The following UCK2 variants were observed in gnomAD, a reference collection of about 807,000 sequenced individuals.
UCK2 encodes cytidine monophosphokinase 2.
UCK2 carries 6 observed loss-of-function variants against 30.8 expected under a neutral mutation model. The ratio of observed to expected loss-of-function variants is 0.19; its 90% CI spans 0.11 to 0.38. The LOEUF is 0.38. UCK2 is among the 10% of genes least tolerant of loss of function. The pLI, the probability that UCK2 is intolerant of heterozygous loss-of-function variation, is 1.00. For synonymous variants in UCK2, 125 were observed against 133.6 expected, an observed-to-expected ratio of 0.94 and a Z score of 0.45; for missense variants, 210 against 339.8, an observed-to-expected ratio of 0.62 and a Z score of 3.00.
intron 1 of UCK2, among the ~76,000 whole-genome samples, chr1:165,861,642 AAAAAAAACAAAAAAAAAC>A (rs1203600219): frequency 6.0e-5 from 6 of 99,242 alleles, no homozygotes; most frequent in African/African-American, 1.1e-4. Flanking sequence ...AAAAAAAAAA[AAAAAAAACAAAAAAAAAC>A]AACAGTAAAA....
At chr1:165,830,991 G>A (rs748692388) in intron 1 of UCK2, among the ~76,000 whole-genome samples, 14 of 152,174 alleles carry the variant, frequency 9.2e-5, no homozygotes, top group Non-Finnish European at 1.6e-4. Context: ...CAGGTGCAGT[G>A]CTGCAGGTCT....
At chr1:165,898,764 G>A (rs1462205597) in intron 4 of UCK2, among the ~76,000 whole-genome samples, 1 of 152,212 alleles carries the variant, frequency 6.6e-6, no homozygotes, top group Non-Finnish European at 1.5e-5. Context: ...GGATTCTTAT[G>A]TGAAATAGGA....
At chr1:165,906,074 C>G (rs1571303464) in intron 6 of UCK2, 105 bp downstream of exon 6, 1 of 1,073,122 alleles carries the variant, frequency 9.3e-7, no homozygotes, top group South Asian at 1.3e-5. Context: ...GACATGGCTG[C>G]CCTGCTTGTC....
chr1:165,839,120 C>T (rs965944039), intron 1 of UCK2, among the ~76,000 whole-genome samples: 11 of 151,906 alleles, frequency 7.2e-5, no homozygotes, highest in Admixed American at 1.3e-4. Context: ...TATTGTCAAG[C>T]TCTTAAAGAA....
intron 1 of UCK2, among the ~76,000 whole-genome samples, chr1:165,849,483 C>T (rs746439871): frequency 8.5e-5 from 13 of 152,190 alleles, no homozygotes; most frequent in Non-Finnish European, 1.8e-4. Context: ...GCGTTCTGGC[C>T]TCTAAGATTG....
chr1:165,862,797 CAGAG>C (rs1654952017), intron 1 of UCK2, among the ~76,000 whole-genome samples: 1 of 152,132 alleles, frequency 6.6e-6, no homozygotes, highest in African/African-American at 2.4e-5. Context: ...GTTCCCGACA[CAGAG>C]AGAGAGGCCA....
chr1:165,836,217 A>G (rs1267173269), intron 1 of UCK2, among the ~76,000 whole-genome samples: 1 of 151,496 alleles, frequency 6.6e-6, no homozygotes, highest in Non-Finnish European at 1.5e-5. Context: ...GACAAGAGCA[A>G]GACTCCGTCT....
chr1:165,828,582 A>G (rs532549091), intron 1 of UCK2, among the ~76,000 whole-genome samples: 4 of 152,196 alleles, frequency 2.6e-5, no homozygotes, highest in Non-Finnish European at 5.9e-5. Flanking sequence ...TTTTAAGGTT[A>G]TAAGAGGAAA....
chr1:165,895,305 T>C (rs1655871459), intron 3 of UCK2, among the ~76,000 whole-genome samples: 1 of 152,046 alleles, frequency 6.6e-6, no homozygotes, highest in South Asian at 2.1e-4. Flanking sequence ...TCCTAGACAC[T>C]TAGGGGGCTG....
At chr1:165,828,050 G>C in intron 1 of UCK2, 118 bp downstream of exon 1, 1 of 669,132 alleles carries the variant, frequency 1.5e-6, no homozygotes, top group Non-Finnish European at 2.0e-6. Context: ...GCGCGCCTCC[G>C]CTCCCGGCCG....
chr1:165,908,752 G>A lies in UCK2; in HGVS notation c.*929G>A, dbSNP rs1386971237. 2 of 152,372 alleles carry A rather than the reference G, an allele frequency of 1.3e-5. No homozygotes were observed. The highest frequency in any genetic ancestry group is 4.1e-4 in the South Asian group (2 of 4,830). 9.4% of individuals were successfully genotyped at this position (152,372 alleles called of 1,614,324 possible). A position where few individuals can be genotyped will look rare whatever the true frequency, so the allele number is the denominator to read the frequency against. Reference sequence around the variant, plus strand: ...CACTGGTTCTTTCTGCATCCCAGGGGCGTAACTGATCTGACTCCTTGGGCT... The same window carrying A: ...CACTGGTTCTTTCTGCATCCCAGGGACGTAACTGATCTGACTCCTTGGGCT... On this transcript the variant is annotated 3_prime_UTR_variant, in exon 7 of 7. Transcript: ENST00000367879.
At chr1:165,841,475 C>G (rs556311964) in intron 1 of UCK2, among the ~76,000 whole-genome samples, 1 of 152,132 alleles carries the variant, frequency 6.6e-6, no homozygotes, top group Admixed American at 6.5e-5. Context: ...CGTGAGCCAC[C>G]GCGCCTGGCC....
rs1571297796 is a variant in UCK2 at position 165,896,117 on chromosome 1, G to C, written c.357-73G>C. ...AACCCAGAACCCAGCCCAGCCAGAT[G>C]TTCTGGCCCTTGTTCTCTGTCCCTT... On this transcript the variant is annotated intron_variant, in intron 3 of 6. Transcript: ENST00000367879. 11 of 1,589,426 alleles carry C rather than the reference G, an allele frequency of 6.9e-6. No individual in the cohort carries two copies. In the East Asian group the frequency reaches 2.2e-4, roughly 32 times the overall value.
chr1:165,893,795 C>A (rs766041024), intron 3 of UCK2, among the ~76,000 whole-genome samples: 1 of 152,130 alleles, frequency 6.6e-6, no homozygotes, highest in Non-Finnish European at 1.5e-5. Flanking sequence ...TTTAGACCTG[C>A]GTTTGGACTT....
intron 1 of UCK2, among the ~76,000 whole-genome samples, chr1:165,880,810 G>A (rs1334620597): frequency 1.3e-5 from 2 of 152,030 alleles, no homozygotes; most frequent in Non-Finnish European, 2.9e-5. Flanking sequence ...CTGTTAACCA[G>A]GCTCTGGGTG....
At chr1:165,871,174 C>T (rs6703280) in intron 1 of UCK2, among the ~76,000 whole-genome samples, 50,482 of 151,588 alleles carry the variant, frequency 0.33, 8,562 homozygotes, top group East Asian at 0.44. Flanking sequence ...TTTGTGTGTG[C>T]GTGTGCGTTT....
Position 165,896,351 on chromosome 1 carries a change from A to G in UCK2, c.499+19A>G, listed in dbSNP as rs778535150. On this transcript the variant is annotated intron_variant, in intron 4 of 6. Coordinates refer to ENST00000367879, the MANE Select transcript of UCK2 (RefSeq NM_012474.5). Reference sequence around the variant, plus strand: ...CGCAGAGGTGCGTTCTAAAAGCCTCAGGTGGCCCTGTTGGTGGCCACCTTG... The same window carrying G: ...CGCAGAGGTGCGTTCTAAAAGCCTCGGGTGGCCCTGTTGGTGGCCACCTTG... 25 of 1,613,166 alleles carry G rather than the reference A, an allele frequency of 1.5e-5. No individual in the cohort carries two copies. Among genetic ancestry groups the G allele is most frequent in the Non-Finnish European group, 2.1e-5 (25 of 1,179,828 alleles).
At chr1:165,874,652 G>A (rs958083254) in intron 1 of UCK2, among the ~76,000 whole-genome samples, 2 of 152,136 alleles carry the variant, frequency 1.3e-5, no homozygotes, top group East Asian at 1.9e-4. Context: ...CTTAGGATAT[G>A]CTTCAGTTAT....
At chr1:165,893,766 C>A (rs1411628288) in intron 3 of UCK2, among the ~76,000 whole-genome samples, 1 of 152,154 alleles carries the variant, frequency 6.6e-6, no homozygotes, top group East Asian at 1.9e-4. Flanking sequence ...TTTAAAAACT[C>A]TGAGCTGTTA....
Sources: allele counts gnomAD v4.1 joint callset (sites outside exome capture counted in the v4.1 genomes callset), GRCh38; gene constraint gnomAD v4.1.1; transcripts MANE v1.5; gene names NCBI Gene and HGNC (gene_info 2026-07-23, HGNC 2026-07-21).